The following ZNG1F variants were observed in gnomAD, a reference collection of about 807,000 sequenced individuals.
ZNG1F encodes Zn regulated GTPase metalloprotein activator 1F, also known as zinc-regulated GTPase metalloprotein activator 1F.
chr9:41,154,865 A>G, the ZNG1F span, among the ~76,000 whole-genome samples: 1 of 149,924 alleles, frequency 6.7e-6, no homozygotes, highest in African/African-American at 2.4e-5. Context: ...AAGATGGATT[A>G]AAGACTTAAA....
the ZNG1F span, among the ~76,000 whole-genome samples, chr9:41,199,807 T>G: frequency 6.6e-6 from 1 of 151,996 alleles, no homozygotes; most frequent in Non-Finnish European, 1.5e-5. Flanking sequence ...TTGACTTCTG[T>G]GCACCCGCAG....
the ZNG1F span, among the ~76,000 whole-genome samples, chr9:41,196,505 C>CA: frequency 2.4e-5 from 1 of 42,162 alleles, no homozygotes; most frequent in Non-Finnish European, 6.6e-5. Context: ...ACCTGGGCAA[C>CA]ATAGCAAGAC....
the ZNG1F span, chr9:41,132,104 T>G: frequency 1.3e-6 from 2 of 1,549,296 alleles, no homozygotes; most frequent in Non-Finnish European, 1.7e-6. Flanking sequence ...GATGAAACAT[T>G]GACCACAAGC....
the ZNG1F span, among the ~76,000 whole-genome samples, chr9:41,166,429 AATAATTATT>A: frequency 2.3e-5 from 1 of 42,652 alleles, no homozygotes; most frequent in African/African-American, 6.9e-5. Flanking sequence ...AAATAATAAT[AATAATTATT>A]ATTATACATA....
chr9:41,200,760 A>C, the ZNG1F span, among the ~76,000 whole-genome samples: 15 of 152,206 alleles, frequency 9.9e-5, no homozygotes, highest in Admixed American at 9.8e-4. Flanking sequence ...CGGAAGGCAA[A>C]AGGCACATCT....
At chr9:41,199,743 C>G in the ZNG1F span, among the ~76,000 whole-genome samples, 1 of 152,052 alleles carries the variant, frequency 6.6e-6, no homozygotes, top group African/African-American at 2.4e-5. Flanking sequence ...CCCACCCCTA[C>G]AGCAAACTTC....
At chr9:41,183,549 A>C in the ZNG1F span, 28 of 1,584,580 alleles carry the variant, frequency 1.8e-5, 3 homozygotes, top group Middle Eastern at 1.7e-4. Context: ...TGTACACAGT[A>C]AACACATTCC....
At chr9:41,192,913 CA>C in the ZNG1F span, among the ~76,000 whole-genome samples, 2 of 151,680 alleles carry the variant, frequency 1.3e-5, no homozygotes, top group African/African-American at 4.8e-5. Flanking sequence ...AATTCCTCCT[CA>C]TTTAGCTTTG....
chr9:41,154,874 A>C, the ZNG1F span, among the ~76,000 whole-genome samples: 1 of 149,644 alleles, frequency 6.7e-6, no homozygotes, highest in South Asian at 2.1e-4. Context: ...TAAAGACTTA[A>C]ATGTTAGACC....
At chr9:41,150,347 T>G in the ZNG1F span, among the ~76,000 whole-genome samples, 1 of 149,796 alleles carries the variant, frequency 6.7e-6, no homozygotes, top group African/African-American at 2.5e-5. Flanking sequence ...CGCGGATTGC[T>G]AGCACAGCAG....
chr9:41,191,162 T>TA, the ZNG1F span, among the ~76,000 whole-genome samples: 1 of 130,344 alleles, frequency 7.7e-6, no homozygotes, highest in Admixed American at 8.6e-5. Flanking sequence ...ATAGATAGCT[T>TA]ACGCCCTAAA....
At chr9:41,199,798 T>C in the ZNG1F span, among the ~76,000 whole-genome samples, 1 of 152,040 alleles carries the variant, frequency 6.6e-6, no homozygotes, top group East Asian at 1.9e-4. Flanking sequence ...CCTCAATTCT[T>C]GACTTCTGTG....
At chr9:41,192,844 T>C in the ZNG1F span, among the ~76,000 whole-genome samples, 3 of 123,942 alleles carry the variant, frequency 2.4e-5, no homozygotes. Flanking sequence ...TTTAAATAAG[T>C]ATGAAATTTC....
chr9:41,183,501 A>C, the ZNG1F span: 1 of 1,470,418 alleles, frequency 6.8e-7, no homozygotes. Flanking sequence ...AGAAAATTAA[A>C]GCTGGAAATA....
the ZNG1F span, among the ~76,000 whole-genome samples, chr9:41,183,887 T>C: frequency 2.0e-5 from 3 of 148,002 alleles, no homozygotes; most frequent in African/African-American, 7.5e-5. Flanking sequence ...AAAAGACACA[T>C]CCTAAACTGA....
At chr9:41,182,064 T>TA in the ZNG1F span, among the ~76,000 whole-genome samples, 2 of 84,056 alleles carry the variant, frequency 2.4e-5, no homozygotes, top group African/African-American at 1.3e-4. Flanking sequence ...CAACTGTACT[T>TA]AGAGGTAGAA....
the ZNG1F span, chr9:41,132,113 G>C: frequency 6.5e-7 from 1 of 1,550,284 alleles, no homozygotes; most frequent in South Asian, 1.2e-5. Context: ...TTGACCACAA[G>C]CTTATTTAGT....
At chr9:41,183,772 A>T in the ZNG1F span, 1 of 1,569,412 alleles carries the variant, frequency 6.4e-7, no homozygotes, top group Non-Finnish European at 8.7e-7. Flanking sequence ...GCAGAAACTT[A>T]TATTTTATAA....
chr9:41,199,808 G>A, the ZNG1F span, among the ~76,000 whole-genome samples: 26 of 152,074 alleles, frequency 1.7e-4, no homozygotes, highest in African/African-American at 6.3e-4. Flanking sequence ...TGACTTCTGT[G>A]CACCCGCAGG....
Sources: gnomAD v4.1 joint callset for allele counts (sites outside exome capture counted in the v4.1 genomes callset) on GRCh38, gnomAD v4.1.1 for gene constraint, MANE v1.5 for transcripts, NCBI Gene and HGNC (gene_info 2026-07-23, HGNC 2026-07-21) for gene names.